IKZF2: variants seen among roughly 807,000 people sequenced by gnomAD.
The protein encoded by IKZF2 is IKAROS family zinc finger 2, also known as zinc finger protein Helios.
Under a neutral mutation model 49.2 loss-of-function variants are expected in IKZF2, and 15 were observed. The observed-to-expected ratio is 0.30, with a 90% CI of 0.20 to 0.47. The LOEUF is 0.47. IKZF2 is among the 20% of genes least tolerant of loss of function. The probability of loss-of-function intolerance (pLI) is 1.00; values close to 1 mark genes in which losing one functional copy is unlikely to be tolerated. For missense variants in IKZF2, 567 were observed against 664.6 expected, an observed-to-expected ratio of 0.85 and a Z score of 1.61; for synonymous variants, 227 against 221.4, an observed-to-expected ratio of 1.03 and a Z score of -0.23.
chr2:213,140,818 G>A (rs1349809562), intron 4 of IKZF2, among the ~76,000 whole-genome samples: 3 of 151,968 alleles, frequency 2.0e-5, no homozygotes, highest in Admixed American at 1.3e-4. Flanking sequence ...TAAGGCCACT[G>A]ATCAAATACT....
At chr2:213,059,748 A>G (rs1423350573) in intron 4 of IKZF2, among the ~76,000 whole-genome samples, 1 of 151,604 alleles carries the variant, frequency 6.6e-6, no homozygotes, top group Non-Finnish European at 1.5e-5. Flanking sequence ...ACTAAGTTTA[A>G]TTGGGAAATT....
intron 4 of IKZF2, among the ~76,000 whole-genome samples, chr2:213,145,886 GA>G (rs2061040308): frequency 6.6e-6 from 1 of 152,098 alleles, no homozygotes; most frequent in African/African-American, 2.4e-5. Flanking sequence ...TGTTGGGTGA[GA>G]AAAGCTCAAA....
At chr2:213,040,234 G>C (rs1028077787) in intron 6 of IKZF2, among the ~76,000 whole-genome samples, 2 of 124,808 alleles carry the variant, frequency 1.6e-5, no homozygotes, top group Admixed American at 1.9e-4. Context: ...AGGTAAACTT[G>C]TGTCATGGGT....
chr2:213,150,471 C>CCTT, intron 1 of IKZF2: 1 of 271,830 alleles, frequency 3.7e-6, no homozygotes, highest in Non-Finnish European at 7.3e-6. Flanking sequence ...TCCTCCTCCT[C>CCTT]CTCCTCGTCC....
chr2:213,054,198 T>A (rs1270395488), intron 5 of IKZF2, among the ~76,000 whole-genome samples: 1 of 151,716 alleles, frequency 6.6e-6, no homozygotes, highest in Non-Finnish European at 1.5e-5. Flanking sequence ...GATCCAAGAT[T>A]GCACCACTAC....
intron 7 of IKZF2, among the ~76,000 whole-genome samples, chr2:213,016,356 C>T (rs1696600038): frequency 6.6e-6 from 1 of 152,024 alleles, no homozygotes; most frequent in Non-Finnish European, 1.5e-5. Flanking sequence ...CCTGGCTCAA[C>T]CATTACGCTA....
rs960910593 is a variant in IKZF2 at position 213,074,477 on chromosome 2, C to T, written c.140-17378G>A. Among the ~76,000 whole-genome samples, 130 of 152,178 alleles carry T rather than the reference C, an allele frequency of 8.5e-4. 1 individual carries two copies. The highest frequency in any genetic ancestry group is 4.7e-4 in the Non-Finnish European group (32 of 67,982). On this transcript the variant is annotated intron_variant, in intron 4 of 8. Transcript: ENST00000434687. ...CCTATTTATAATATTATGGCATCAC[C>T]GCTGTATATGTTGTATATGTGGTCT...
At chr2:213,022,496 G>GT (rs1697334381) in intron 6 of IKZF2, among the ~76,000 whole-genome samples, 4 of 102,006 alleles carry the variant, frequency 3.9e-5, no homozygotes, top group Admixed American at 3.7e-4. Flanking sequence ...CAAGAGTTGT[G>GT]GTTTTTTTTT....
chr2:213,100,951 T>G (rs1213748668), intron 4 of IKZF2, among the ~76,000 whole-genome samples: 1 of 152,042 alleles, frequency 6.6e-6, no homozygotes, highest in Non-Finnish European at 1.5e-5. Flanking sequence ...TTGTCAGTTT[T>G]GGCATAATGA....
intron 4 of IKZF2, among the ~76,000 whole-genome samples, chr2:213,083,503 G>A (rs1428749062): frequency 2.1e-5 from 3 of 142,838 alleles, no homozygotes; most frequent in Non-Finnish European, 4.5e-5. Flanking sequence ...CGATTCTCCT[G>A]CCTCAGCCTA....
At chr2:213,066,011 C>T (rs139862051) in intron 4 of IKZF2, among the ~76,000 whole-genome samples, 61 of 152,152 alleles carry the variant, frequency 4.0e-4, no homozygotes, top group African/African-American at 1.4e-3. Context: ...ATTTCCTGAG[C>T]GTGGATTTTA....
intron 4 of IKZF2, among the ~76,000 whole-genome samples, chr2:213,135,145 T>C (rs1023504109): frequency 2.0e-5 from 3 of 152,218 alleles, no homozygotes; most frequent in Admixed American, 6.5e-5. Context: ...TTGATGAATA[T>C]GAAAAAGAGA....
At chr2:213,065,690 A>C (rs1167713814) in intron 4 of IKZF2, among the ~76,000 whole-genome samples, 1 of 152,102 alleles carries the variant, frequency 6.6e-6, no homozygotes, top group Non-Finnish European at 1.5e-5. Flanking sequence ...GAGGAAACTG[A>C]AGCTTAAAAT....
intron 4 of IKZF2, among the ~76,000 whole-genome samples, chr2:213,130,373 A>C (rs2060436250): frequency 6.6e-6 from 1 of 152,166 alleles, no homozygotes; most frequent in African/African-American, 2.4e-5. Flanking sequence ...CAATTAATAG[A>C]CATCAGTCAT....
At chr2:213,014,320 C>G (rs1696328250) in intron 7 of IKZF2, 1 of 155,300 alleles carries the variant, frequency 6.4e-6, no homozygotes, top group African/African-American at 2.4e-5. Context: ...TTAAGTAAGT[C>G]AACTTGTTTG....
chr2:213,152,148 G>C (rs1334032266), upstream of IKZF2: 1 of 152,234 alleles, frequency 6.6e-6, no homozygotes, highest in Non-Finnish European at 1.5e-5. Flanking sequence ...CTGGAGGCTT[G>C]GAGCGGTGAG....
rs1416122896 is a variant in IKZF2 at position 213,006,382 on chromosome 2, C to T, written c.*978G>A. ...CTGTTAGCATAATTATATTTTTCTG[C>T]TGACTGGTTAACACTGATTAAATGC... On this transcript the variant is annotated 3_prime_UTR_variant, in exon 9 of 9. Transcript: ENST00000434687. 1 of 152,440 alleles carries T rather than the reference C, an allele frequency of 6.6e-6. No individual in the cohort carries two copies. Among genetic ancestry groups the T allele is most frequent in the African/African-American group, 2.4e-5 (1 of 41,420 alleles). The allele number at this position is 152,440 out of a possible 1,614,324, so 9.4% of individuals were successfully genotyped here.
At chr2:213,121,662 C>T (rs2060061683) in intron 4 of IKZF2, among the ~76,000 whole-genome samples, 1 of 152,178 alleles carries the variant, frequency 6.6e-6, no homozygotes, top group African/African-American at 2.4e-5. Flanking sequence ...TTGATAGCCT[C>T]TTTGAGGTAC....
At chr2:213,079,018 G>A (rs1002804533) in intron 4 of IKZF2, among the ~76,000 whole-genome samples, 16 of 152,166 alleles carry the variant, frequency 1.1e-4, no homozygotes, top group Non-Finnish European at 1.6e-4. Flanking sequence ...TACAGCATTT[G>A]TTGTTGCTGC....
Sources: gnomAD v4.1 joint callset for allele counts (sites outside exome capture counted in the v4.1 genomes callset) on GRCh38, gnomAD v4.1.1 for gene constraint, MANE v1.5 for transcripts, NCBI Gene and HGNC (gene_info 2026-07-23, HGNC 2026-07-21) for gene names.